Variants in ADNP2 observed in about 807,000 individuals in gnomAD.
ADNP2 encodes the protein activity-dependent neuroprotector homeobox protein 2.
In ADNP2, 8 loss-of-function variants were observed where a neutral mutation model predicts 16.4. The observed-to-expected ratio is 0.49, with a 90% CI of 0.29 to 0.88. ADNP2 has a LOEUF of 0.88. Ranked by LOEUF, ADNP2 falls within the 40% of genes least tolerant of loss-of-function variation. The pLI, the probability that ADNP2 is intolerant of heterozygous loss-of-function variation, is 0.09. For missense variants in ADNP2, 1,397 were observed against 1,395.1 expected (o/e 1.00, Z -0.02); for synonymous variants, 637 against 545.8 (o/e 1.17, Z -2.33).
intron 3 of ADNP2, among the ~76,000 whole-genome samples, chr18:80,133,959 A>G (rs1402283510): frequency 1.3e-5 from 2 of 152,034 alleles, no homozygotes; most frequent in Non-Finnish European, 2.9e-5. Flanking sequence ...CAGCCTCCTG[A>G]GTAGCTGAGA....
intron 2 of ADNP2, among the ~76,000 whole-genome samples, chr18:80,127,256 T>A (rs4505409): frequency 1.3e-5 from 2 of 151,798 alleles, no homozygotes; most frequent in Non-Finnish European, 2.9e-5. Flanking sequence ...AACATGTCCT[T>A]TGCAGATAAG....
At chr18:80,124,026 A>T (rs1260262818) in intron 2 of ADNP2, among the ~76,000 whole-genome samples, 1 of 152,180 alleles carries the variant, frequency 6.6e-6, no homozygotes, top group Non-Finnish European at 1.5e-5. Flanking sequence ...CAGCACGCTC[A>T]GCCTTTTAAG....
At chr18:80,120,769 C>G (rs2052419401) in intron 2 of ADNP2, among the ~76,000 whole-genome samples, 1 of 152,182 alleles carries the variant, frequency 6.6e-6, no homozygotes, top group Non-Finnish European at 1.5e-5. Flanking sequence ...ATTCTCCTGC[C>G]TCCGCCTCAT....
chr18:80,138,828 A>AT lies in ADNP2; in HGVS notation c.*19_*20insT. On this transcript the variant is annotated 3_prime_UTR_variant, in exon 4 of 4. Transcript: ENST00000262198. ...ACCATAAAACTTGCAAAAAAAAAAAAAAGTAACTCTAAAGTAGTAGGTAGA... is the reference window on the plus strand; with the variant it reads ...ACCATAAAACTTGCAAAAAAAAAAAATAAGTAACTCTAAAGTAGTAGGTAGA... 3 of 1,486,074 alleles carry AT rather than the reference A, an allele frequency of 2.0e-6. No homozygotes were observed. The highest frequency in any genetic ancestry group is 2.7e-6 in the Non-Finnish European group (3 of 1,122,568). The allele number at this position is 1,486,074 out of a possible 1,614,324, so 92.1% of individuals were successfully genotyped here. A position where few individuals can be genotyped will look rare whatever the true frequency, so the allele number is the denominator to read the frequency against.
intron 2 of ADNP2, among the ~76,000 whole-genome samples, chr18:80,121,156 C>G (rs764285331): frequency 6.6e-6 from 1 of 152,110 alleles, no homozygotes; most frequent in African/African-American, 2.4e-5. Flanking sequence ...TTTCTCCTTC[C>G]TCCCTTCCCT....
chr18:80,127,778 GAGAC>G, intron 2 of ADNP2, among the ~76,000 whole-genome samples: 1 of 152,180 alleles, frequency 6.6e-6, no homozygotes. Flanking sequence ...TGGGACTGTG[GAGAC>G]AGACCTTGCT....
chr18:80,126,595 A>G (rs1350461460), intron 2 of ADNP2, among the ~76,000 whole-genome samples: 1 of 151,736 alleles, frequency 6.6e-6, no homozygotes. Context: ...TCTGGCTGGC[A>G]TTTTTTCCAA....
At chr18:80,124,579 CAGA>C (rs1469209526) in intron 2 of ADNP2, among the ~76,000 whole-genome samples, 5 of 152,148 alleles carry the variant, frequency 3.3e-5, no homozygotes, top group Non-Finnish European at 7.4e-5. Context: ...TCCATCTATC[CAGA>C]AGACCACCAA....
chr18:80,112,869 C>G (rs1183302724), intron 1 of ADNP2, among the ~76,000 whole-genome samples: 1 of 152,192 alleles, frequency 6.6e-6, no homozygotes, highest in African/African-American at 2.4e-5. Flanking sequence ...TTTAGCTTCC[C>G]TGTTTCAGAT....
At chr18:80,134,904 A>C (rs1388630284) in intron 3 of ADNP2, among the ~76,000 whole-genome samples, 2 of 152,146 alleles carry the variant, frequency 1.3e-5, no homozygotes, top group Admixed American at 6.5e-5. Context: ...TACCTTCTCT[A>C]GAAATAGAGG....
At chr18:80,128,907 A>C (rs1010592755) in intron 2 of ADNP2, among the ~76,000 whole-genome samples, 2 of 152,076 alleles carry the variant, frequency 1.3e-5, no homozygotes, top group African/African-American at 4.8e-5. Flanking sequence ...GTCATTCAGA[A>C]GTTGCCACCA....
intron 3 of ADNP2, chr18:80,133,670 G>A (rs2052512883): frequency 6.2e-6 from 1 of 162,376 alleles, no homozygotes; most frequent in Admixed American, 6.2e-5. Context: ...AGTGTTTTCT[G>A]GGACACCTTT....
chr18:80,129,977 G>T (rs1245805990), intron 2 of ADNP2, among the ~76,000 whole-genome samples: 1 of 152,232 alleles, frequency 6.6e-6, no homozygotes, highest in Non-Finnish European at 1.5e-5. Context: ...GGAAAGGCAG[G>T]ATAGTTTTAT....
intron 2 of ADNP2, among the ~76,000 whole-genome samples, chr18:80,120,624 A>G (rs1312988033): frequency 1.3e-5 from 2 of 151,752 alleles, no homozygotes; most frequent in Admixed American, 1.3e-4. Context: ...TGTGTCAGCC[A>G]CTACACCTGG....
At chr18:80,123,229 ATGT>A (rs958883338) in intron 2 of ADNP2, among the ~76,000 whole-genome samples, 3 of 152,068 alleles carry the variant, frequency 2.0e-5, no homozygotes, top group Non-Finnish European at 4.4e-5. Flanking sequence ...GTTTGCTAGT[ATGT>A]TGTTAAGGAT....
At chr18:80,118,774 G>T (rs1274501914) in intron 2 of ADNP2, among the ~76,000 whole-genome samples, 1 of 152,058 alleles carries the variant, frequency 6.6e-6, no homozygotes, top group Non-Finnish European at 1.5e-5. Context: ...AGTTCTTCAC[G>T]GCTGTTTACT....
intron 2 of ADNP2, 80 bp downstream of exon 2, chr18:80,117,730 A>G (rs2052398733): frequency 2.8e-6 from 3 of 1,071,682 alleles, no homozygotes; most frequent in East Asian, 2.6e-5. Flanking sequence ...AAGATTCCTC[A>G]AAATGGAAAT....
In ADNP2 at chr18:80,136,267, C is replaced by G. The variant is rs1410596379; in HGVS notation, c.854C>G (p.Ala285Gly). Residue 285 changes from alanine (A) to glycine (G), a missense_variant, in exon 4 of 4, where the codon GCT (alanine) becomes GGT (glycine). Around this residue, in one of 3 missense-constraint regions of ADNP2, gnomAD observed 777 missense variants for 719.4 expected, o/e 1.08. Coordinates refer to ENST00000262198, the MANE Select transcript of ADNP2 (RefSeq NM_014913.4). ...CCAGCAAATGGCAGTGCTCCAAGCG[C>G]TCCAGCGCAGCCTCCTTGCTTCCAT... ...AAPANGSAPS[A>G]PAQPPCFHLA... The G allele has an allele frequency of 6.2e-7, 1 of 1,613,886 alleles. No homozygotes were observed. The highest frequency in any genetic ancestry group is 1.7e-5 in the Admixed American group (1 of 60,012).
intron 2 of ADNP2, among the ~76,000 whole-genome samples, chr18:80,124,568 G>A (rs1430202279): frequency 6.6e-6 from 1 of 152,150 alleles, no homozygotes; most frequent in Non-Finnish European, 1.5e-5. Flanking sequence ...ACCTCCATGA[G>A]TCCATCTATC....
Sources: gnomAD v4.1 joint callset for allele counts (sites outside exome capture counted in the v4.1 genomes callset) on GRCh38, gnomAD v4.1.1 for gene constraint, gnomAD v4.1.1 regional missense constraint, MANE v1.5 for transcripts, NCBI Gene and HGNC (gene_info 2026-07-23, HGNC 2026-07-21) for gene names.